The following RTN4 variants were observed in gnomAD, a reference collection of about 807,000 sequenced individuals.
The protein encoded by RTN4 is reticulon-4.
A neutral mutation model predicts 90.4 loss-of-function variants in RTN4; 32 were observed. That is an observed-to-expected ratio of 0.35 (90% CI 0.27 to 0.48). The LOEUF is 0.48. RTN4 is among the 20% of genes least tolerant of loss of function. The pLI, the probability that RTN4 is intolerant of heterozygous loss-of-function variation, is 0.99. For synonymous variants in RTN4, 629 were observed against 552.5 expected (o/e 1.14, Z -1.94); for missense variants, 1,706 against 1,430.2 (o/e 1.19, Z -3.11).
chr2:55,025,242 G>T lies in RTN4; in HGVS notation c.2857C>A (p.Pro953Thr). 1 of 1,613,812 alleles carries T rather than the reference G, an allele frequency of 6.2e-7. No individual in the cohort carries two copies. Among genetic ancestry groups the T allele is most frequent in the South Asian group, 1.1e-5 (1 of 91,076 alleles). The change falls in exon 3 of 9, where the codon CCA becomes ACA. Residue 953 changes from proline to threonine, a missense_variant. Coordinates refer to ENST00000337526, the MANE Select transcript of RTN4 (RefSeq NM_020532.5). ...SATSKVLLLP[P>T]DVSALATQAE... ...TGAGTGGCCAAAGCAGAAACATCTG[G>T]AGGCAATAAGAGCACCTTTGATGTA...
the RTN4 span, among the ~76,000 whole-genome samples, chr2:55,136,996 G>A: frequency 1.3e-5 from 2 of 152,152 alleles, no homozygotes; most frequent in South Asian, 2.1e-4. Flanking sequence ...GCAGTCCTGC[G>A]GAGGAGAGAG....
chr2:54,988,002 C>T (rs1168852233), intron 3 of RTN4, among the ~76,000 whole-genome samples: 1 of 152,164 alleles, frequency 6.6e-6, no homozygotes, highest in Admixed American at 6.5e-5. Flanking sequence ...GACTTCTAAT[C>T]CAAAACAAGG....
upstream of RTN4, among the ~76,000 whole-genome samples, chr2:55,052,080 AAC>A: frequency 6.6e-6 from 1 of 152,332 alleles, no homozygotes; most frequent in Admixed American, 6.5e-5. Flanking sequence ...AAATAGGTGG[AAC>A]ACAGAAGATT....
intron 1 of RTN4, among the ~76,000 whole-genome samples, chr2:55,100,373 C>T (rs1209458839): frequency 6.6e-6 from 1 of 152,112 alleles, no homozygotes; most frequent in African/African-American, 2.4e-5. Context: ...GGTAGAATTA[C>T]AAGACATATC....
the RTN4 span, among the ~76,000 whole-genome samples, chr2:55,133,384 T>C: frequency 2.0e-5 from 3 of 152,200 alleles, no homozygotes; most frequent in Non-Finnish European, 4.4e-5. Flanking sequence ...TTGTTCCCTC[T>C]CCCTGCCTTT....
chr2:54,987,597 C>A lies in RTN4; in HGVS notation c.3115G>T (p.Val1039Leu). 1 of 1,614,054 alleles carries A rather than the reference C, an allele frequency of 6.2e-7. No individual in the cohort carries two copies. Residue 1039 changes from valine to leucine, a missense_variant, in exon 4 of 9, where the codon GTA (valine) becomes TTA (leucine). Coordinates refer to ENST00000337526, the MANE Select transcript of RTN4 (RefSeq NM_020532.5). ...LSLTVFSIVS[V>L]TAYIALALLS... ...AGGGCCAAGGCAATGTAGGCTGTTA[C>A]GCTCACAATGCTGAATACTGTCAAT... is the stretch of plus-strand genomic sequence containing the variant.
chr2:55,024,170 C>G (rs1338847280), intron 3 of RTN4, among the ~76,000 whole-genome samples: 1 of 152,148 alleles, frequency 6.6e-6, no homozygotes, highest in Non-Finnish European at 1.5e-5. Flanking sequence ...AGTGCACATG[C>G]CAGAAATGAA....
chr2:55,093,898 G>T (rs1668986494), intron 1 of RTN4, among the ~76,000 whole-genome samples: 1 of 152,126 alleles, frequency 6.6e-6, no homozygotes, highest in Admixed American at 6.6e-5. Context: ...GAATTATAAG[G>T]AAGAGAATTT....
chr2:55,102,602 T>C (rs528605703), intron 1 of RTN4, among the ~76,000 whole-genome samples: 1 of 152,266 alleles, frequency 6.6e-6, no homozygotes, highest in East Asian at 1.9e-4. Context: ...GGTGGCTGAT[T>C]GGACTTGACA....
Position 54,983,658 on chromosome 2 carries a change from G to A in RTN4, c.3222-1005C>T, listed in dbSNP as rs57397060. Reference sequence around the variant, plus strand: ...TCTATTTTAAGCACTTACTATTTACGAGCTGGAATATTCTATCACTCTCCA... The same window carrying A: ...TCTATTTTAAGCACTTACTATTTACAAGCTGGAATATTCTATCACTCTCCA... On this transcript the variant is annotated intron_variant, in intron 4 of 8. Transcript: ENST00000337526. 3.3e-3 allele frequency among the ~76,000 whole-genome samples: 507 copies of A among 152,124 alleles called. 3 individuals carry two copies. The highest frequency in any genetic ancestry group is 0.013 in the East Asian group (65 of 5,180).
chr2:54,997,854 AGTT>A (rs1282733791), intron 3 of RTN4, among the ~76,000 whole-genome samples: 4 of 152,162 alleles, frequency 2.6e-5, no homozygotes, highest in Non-Finnish European at 4.4e-5. Flanking sequence ...TCATTGTTAA[AGTT>A]GTTAATTTCT....
chr2:55,125,145 C>T, the RTN4 span, among the ~76,000 whole-genome samples: 7 of 152,076 alleles, frequency 4.6e-5, no homozygotes, highest in Non-Finnish European at 7.4e-5. Flanking sequence ...AAATGCAAAA[C>T]TATAAAAACC....
Position 54,973,211 on chromosome 2 carries a change from A to G in RTN4, c.3537-13T>C, listed in dbSNP as rs186556285. Reference sequence around the variant, plus strand: ...TTTTGCTTGGATTCTGAAAATGAAAAAGTCAATGTAAATATCAGTTTTGTT... The same window carrying G: ...TTTTGCTTGGATTCTGAAAATGAAAGAGTCAATGTAAATATCAGTTTTGTT... On this transcript the variant is annotated splice_polypyrimidine_tract_variant and intron_variant, in intron 8 of 8. Transcript: ENST00000337526. 2 of 1,598,426 alleles carry G rather than the reference A, an allele frequency of 1.3e-6. No homozygotes were observed.
chr2:55,027,429 A>T lies in RTN4; in HGVS notation c.670T>A (p.Phe224Ile). ...GNTISAGQED[F>I]PSVLLETAAS... ...GCAGTTTCAAGCAGGACAGATGGGA[A>T]ATCCTCTTGACCAGCCGAAATAGTG... The change falls in exon 3 of 9, where the codon TTC becomes ATC. Residue 224 changes from phenylalanine (F) to isoleucine (I), a missense_variant. Transcript: ENST00000337526. The T allele has an allele frequency of 6.2e-7, 1 of 1,613,480 alleles. No individual in the cohort carries two copies. The highest frequency in any genetic ancestry group is 8.5e-7 in the Non-Finnish European group (1 of 1,179,668).
chr2:55,110,559 T>A (rs942013209), intron 1 of RTN4, among the ~76,000 whole-genome samples: 1 of 152,098 alleles, frequency 6.6e-6, no homozygotes, highest in Non-Finnish European at 1.5e-5. Flanking sequence ...AAACAAATGT[T>A]CCCAAACAGC....
At chr2:55,003,078 T>C (rs1427241497) in intron 3 of RTN4, among the ~76,000 whole-genome samples, 2 of 152,172 alleles carry the variant, frequency 1.3e-5, no homozygotes, top group Non-Finnish European at 2.9e-5. Context: ...GAAAACATAC[T>C]GTCCCGTAAC....
chr2:55,022,585 T>C (rs1681519961), intron 3 of RTN4, among the ~76,000 whole-genome samples: 1 of 152,042 alleles, frequency 6.6e-6, no homozygotes, highest in Non-Finnish European at 1.5e-5. Context: ...TGGGCAAAAG[T>C]CTTGGCTATT....
intron 1 of RTN4, among the ~76,000 whole-genome samples, chr2:55,095,239 G>T (rs565527070): frequency 6.6e-6 from 1 of 151,832 alleles, no homozygotes; most frequent in South Asian, 2.1e-4. Context: ...CAGGAGAATC[G>T]CTTGAACCTG....
chr2:55,073,848 A>G (rs1573499251), intron 2 of RTN4, among the ~76,000 whole-genome samples: 1 of 151,964 alleles, frequency 6.6e-6, no homozygotes, highest in East Asian at 1.9e-4. Context: ...TATCCAGACC[A>G]CTCGTTGGTT....
Sources: gnomAD v4.1 joint callset for allele counts (sites outside exome capture counted in the v4.1 genomes callset) on GRCh38, gnomAD v4.1.1 for gene constraint, MANE v1.5 for transcripts, NCBI Gene and HGNC (gene_info 2026-07-23, HGNC 2026-07-21) for gene names.